DNMBP: variants seen among roughly 807,000 people sequenced by gnomAD.
DNMBP encodes dynamin-binding protein.
In DNMBP, 87 loss-of-function variants were observed where a neutral mutation model predicts 150.0. The ratio of observed to expected loss-of-function variants is 0.58; its 90% CI spans 0.49 to 0.69. The LOEUF is 0.69. DNMBP is among the 30% of genes least tolerant of loss of function. The probability of loss-of-function intolerance (pLI) is 0.00; values close to 1 mark genes in which losing one functional copy is unlikely to be tolerated. For missense variants in DNMBP, 1,774 were observed against 1,949.0 expected (o/e 0.91, Z 1.69); for synonymous variants, 711 against 750.4 (o/e 0.95, Z 0.86).
chr10:99,898,553 TAGG>T (rs1473386567), intron 8 of DNMBP, among the ~76,000 whole-genome samples, 187 bp downstream of exon 8: 3 of 152,158 alleles, frequency 2.0e-5, no homozygotes, highest in African/African-American at 7.2e-5. Flanking sequence ...CCTGTCCTGG[TAGG>T]AGAAGATAGG....
chr10:99,929,187 T>C (rs1427341131), intron 4 of DNMBP, among the ~76,000 whole-genome samples: 1 of 151,426 alleles, frequency 6.6e-6, no homozygotes, highest in Non-Finnish European at 1.5e-5. Flanking sequence ...TTCTTTTCCA[T>C]TAATGTCCAA....
intron 4 of DNMBP, among the ~76,000 whole-genome samples, chr10:99,917,698 G>A (rs1240001399): frequency 1.3e-5 from 2 of 152,114 alleles, no homozygotes; most frequent in African/African-American, 4.8e-5. Flanking sequence ...GGGCGCGGTG[G>A]CTCATGCCTG....
intron 4 of DNMBP, among the ~76,000 whole-genome samples, chr10:99,946,358 C>T (rs2040357188): frequency 6.6e-6 from 1 of 152,178 alleles, no homozygotes; most frequent in South Asian, 2.1e-4. Context: ...AAACAAAGAT[C>T]AACACTATCA....
intron 1 of DNMBP, among the ~76,000 whole-genome samples, chr10:99,985,734 G>A (rs1300998057): frequency 1.3e-5 from 2 of 152,210 alleles, no homozygotes; most frequent in East Asian, 1.9e-4. Flanking sequence ...AAGACAACAC[G>A]AAGGCTAAAT....
At chr10:99,902,300 CT>C (rs1234322535) in intron 6 of DNMBP, among the ~76,000 whole-genome samples, 1 of 119,880 alleles carries the variant, frequency 8.3e-6, no homozygotes, top group Non-Finnish European at 1.8e-5. Flanking sequence ...GGAAGCCTCC[CT>C]TCTTTTTTTT....
intron 6 of DNMBP, among the ~76,000 whole-genome samples, chr10:99,903,101 ATTT>A (rs35462310): frequency 2.0e-4 from 27 of 134,434 alleles, no homozygotes; most frequent in Non-Finnish European, 1.6e-4. Flanking sequence ...CACCTGGGCA[ATTT>A]TTTTTTTTTT....
At chr10:99,889,160 TAACAA>T in intron 11 of DNMBP, 3 of 524,994 alleles carry the variant, frequency 5.7e-6, no homozygotes, top group Admixed American at 3.5e-5. Context: ...TTTTAATTCT[TAACAA>T]AACTGTTGAG....
rs745525587 is a variant in DNMBP at position 99,898,118 on chromosome 10, T to C, written c.2888A>G (p.Asn963Ser). 16 of 1,614,140 alleles carry C rather than the reference T, an allele frequency of 9.9e-6. No individual in the cohort carries two copies. The highest frequency in any genetic ancestry group is 1.4e-5 in the Non-Finnish European group (16 of 1,180,016). ...CTTTCGCCGTTTATATTCATTAATG[T>C]TAACGTTGATTTCCTTGACCGCAAG... ...AVLAVKEINV[N>S]INEYKRRKDL... Residue 963 changes from asparagine (N) to serine (S), a missense_variant, in exon 9 of 17, where the codon AAC becomes AGC. Asn to Ser is a conservative substitution (Grantham distance 46). Coordinates refer to ENST00000324109, the MANE Select transcript of DNMBP (RefSeq NM_015221.4).
At chr10:99,942,710 T>C (rs529076295) in intron 4 of DNMBP, among the ~76,000 whole-genome samples, 3 of 152,300 alleles carry the variant, frequency 2.0e-5, no homozygotes, top group East Asian at 3.9e-4. Flanking sequence ...CAGTTCACCA[T>C]TCTAAGCTAC....
intron 3 of DNMBP, among the ~76,000 whole-genome samples, chr10:99,960,232 A>G (rs1238901218): frequency 6.6e-6 from 1 of 152,200 alleles, no homozygotes; most frequent in Non-Finnish European, 1.5e-5. Context: ...ACTGTTTTAT[A>G]ACAAACTCTT....
At chr10:99,975,634 T>C (rs1283138102) in intron 1 of DNMBP, among the ~76,000 whole-genome samples, 7 of 152,124 alleles carry the variant, frequency 4.6e-5, no homozygotes, top group Admixed American at 4.6e-4. Flanking sequence ...TAACACATTT[T>C]CTCTAAGTAT....
intron 4 of DNMBP, among the ~76,000 whole-genome samples, chr10:99,915,859 C>A (rs2039960108): frequency 6.6e-6 from 1 of 152,184 alleles, no homozygotes; most frequent in Non-Finnish European, 1.5e-5. Flanking sequence ...TAAGTAACTG[C>A]CCCAGTAAGT....
intron 1 of DNMBP, among the ~76,000 whole-genome samples, chr10:100,000,883 A>C (rs1383462369): frequency 3.3e-5 from 5 of 150,036 alleles, no homozygotes; most frequent in East Asian, 1.9e-4. Context: ...AAAAAAAAAA[A>C]AAAACCCAGC....
intron 9 of DNMBP, 54 bp downstream of exon 9, chr10:99,898,032 A>G: frequency 6.6e-7 from 1 of 1,507,520 alleles, no homozygotes; most frequent in Non-Finnish European, 9.2e-7. Flanking sequence ...TGTTTTGAGA[A>G]GAAAAGCATT....
At chr10:99,996,200 A>C in intron 1 of DNMBP, among the ~76,000 whole-genome samples, 1 of 152,250 alleles carries the variant, frequency 6.6e-6, no homozygotes, top group Non-Finnish European at 1.5e-5. Flanking sequence ...ATGGGATACA[A>C]GAATAACGTT....
intron 4 of DNMBP, among the ~76,000 whole-genome samples, chr10:99,942,681 TCA>T (rs2040313365): frequency 6.6e-6 from 1 of 152,214 alleles, no homozygotes; most frequent in Non-Finnish European, 1.5e-5. Context: ...GAACAGTGAC[TCA>T]CAGGTCAATT....
At chr10:99,990,945 T>A (rs897947022) in intron 1 of DNMBP, among the ~76,000 whole-genome samples, 1 of 152,088 alleles carries the variant, frequency 6.6e-6, no homozygotes, top group Non-Finnish European at 1.5e-5. Flanking sequence ...TCTCATTTTT[T>A]AAAAACAGGT....
intron 6 of DNMBP, among the ~76,000 whole-genome samples, chr10:99,904,867 G>A (rs1564726400): frequency 6.6e-6 from 1 of 152,178 alleles, no homozygotes; most frequent in East Asian, 1.9e-4. Flanking sequence ...CTAAGGTATA[G>A]TACACTATAG....
chr10:99,969,833 C>A (rs1446178352), intron 2 of DNMBP, among the ~76,000 whole-genome samples: 4 of 152,194 alleles, frequency 2.6e-5, no homozygotes, highest in Non-Finnish European at 4.4e-5. Flanking sequence ...CCATCACCAT[C>A]CCTCACCTGG....
Sources: gnomAD v4.1 joint callset for allele counts (sites outside exome capture counted in the v4.1 genomes callset) on GRCh38, gnomAD v4.1.1 for gene constraint, MANE v1.5 for transcripts, NCBI Gene and HGNC (gene_info 2026-07-23, HGNC 2026-07-21) for gene names.